SYNPO2: variants seen among roughly 807,000 people sequenced by gnomAD.
The protein encoded by SYNPO2 is synaptopodin 2, also known as synaptopodin-2.
SYNPO2 carries 56 observed loss-of-function variants against 85.0 expected under a neutral mutation model. The ratio of observed to expected loss-of-function variants is 0.66; its 90% CI spans 0.53 to 0.82. The LOEUF is 0.82. Ranked by LOEUF, SYNPO2 falls within the 40% of genes least tolerant of loss-of-function variation. SYNPO2 has a pLI of 0.00. For synonymous variants in SYNPO2, 602 were observed against 591.1 expected, an observed-to-expected ratio of 1.02 and a Z score of -0.27; for missense variants, 1,575 against 1,534.2, an observed-to-expected ratio of 1.03 and a Z score of -0.44.
At chr4:118,977,015 C>G (rs74538554) in intron 1 of SYNPO2, among the ~76,000 whole-genome samples, 44,664 of 152,140 alleles carry the variant, frequency 0.29, 6,809 homozygotes, top group East Asian at 0.42. Flanking sequence ...GGGGCTGCAG[C>G]TGGAGCTGCC....
chr4:118,861,416 C>T (rs1020263533), intron 1 of SYNPO2, among the ~76,000 whole-genome samples: 46 of 152,092 alleles, frequency 3.0e-4, no homozygotes, highest in African/African-American at 6.3e-4. Context: ...TGTGTTCTGC[C>T]GGCCTCAGCC....
chr4:118,942,807 T>A (rs918398789), intron 1 of SYNPO2, among the ~76,000 whole-genome samples: 1 of 152,100 alleles, frequency 6.6e-6, no homozygotes, highest in Non-Finnish European at 1.5e-5. Context: ...AAAAATTATC[T>A]AACCTAAAAT....
intron 1 of SYNPO2, among the ~76,000 whole-genome samples, chr4:118,908,312 T>C: frequency 6.6e-6 from 1 of 152,198 alleles, no homozygotes; most frequent in East Asian, 1.9e-4. Context: ...TACTTGTTAC[T>C]CATTATATTG....
intron 1 of SYNPO2, among the ~76,000 whole-genome samples, chr4:118,851,622 T>A (rs1480824372): frequency 6.6e-6 from 1 of 152,260 alleles, no homozygotes; most frequent in African/African-American, 2.4e-5. Context: ...TTAACTTATT[T>A]AAAATAGCAA....
chr4:119,004,366 TCCCTACC>T (rs1736938313), intron 1 of SYNPO2, among the ~76,000 whole-genome samples: 1 of 150,572 alleles, frequency 6.6e-6, no homozygotes, highest in Admixed American at 6.6e-5. Flanking sequence ...CCTAATGCTA[TCCCTACC>T]CCCTACCCCC....
intron 1 of SYNPO2, among the ~76,000 whole-genome samples, chr4:118,851,392 C>A (rs575042940): frequency 6.6e-6 from 1 of 152,194 alleles, no homozygotes; most frequent in East Asian, 1.9e-4. Context: ...GAGGCTGAGG[C>A]AGGAGAATCG....
chr4:118,931,552 T>C (rs1369984803), intron 1 of SYNPO2, among the ~76,000 whole-genome samples: 1 of 152,196 alleles, frequency 6.6e-6, no homozygotes, highest in Non-Finnish European at 1.5e-5. Context: ...TGTGTTGAAA[T>C]AAATCCATAG....
intron 1 of SYNPO2, among the ~76,000 whole-genome samples, chr4:118,924,289 AT>A (rs1733640531): frequency 6.6e-6 from 1 of 152,206 alleles, no homozygotes; most frequent in South Asian, 2.1e-4. Context: ...GGAATCTACA[AT>A]TGGCCGGAAA....
chr4:119,018,832 T>C (rs1195020940), intron 1 of SYNPO2, among the ~76,000 whole-genome samples: 2 of 152,136 alleles, frequency 1.3e-5, no homozygotes, highest in African/African-American at 4.8e-5. Flanking sequence ...CACAAAGAAA[T>C]GATAAATATT....
chr4:118,924,123 C>T (rs1477963165), intron 1 of SYNPO2, among the ~76,000 whole-genome samples: 1 of 152,156 alleles, frequency 6.6e-6, no homozygotes, highest in African/African-American at 2.4e-5. Flanking sequence ...CCAAGTGCTC[C>T]GTGTGGGTGT....
upstream of SYNPO2, among the ~76,000 whole-genome samples, chr4:118,885,563 C>T (rs1261174609): frequency 2.6e-5 from 4 of 151,722 alleles, no homozygotes; most frequent in Non-Finnish European, 5.9e-5. Context: ...ACCTCTGCCT[C>T]CCAGGTTCAA....
At chr4:118,999,391 A>G (rs1033430339) in intron 1 of SYNPO2, among the ~76,000 whole-genome samples, 22 of 152,014 alleles carry the variant, frequency 1.4e-4, no homozygotes, top group Non-Finnish European at 2.8e-4. Context: ...GGTTCAAACG[A>G]TCCTCCTGCT....
intron 1 of SYNPO2, among the ~76,000 whole-genome samples, chr4:118,856,258 T>G (rs968857313): frequency 6.6e-6 from 1 of 152,242 alleles, no homozygotes; most frequent in African/African-American, 2.4e-5. Flanking sequence ...GTTATTGTTA[T>G]CATCTAATAG....
chr4:119,048,201 T>A (rs929704988), intron 4 of SYNPO2, among the ~76,000 whole-genome samples: 3 of 152,202 alleles, frequency 2.0e-5, no homozygotes, highest in African/African-American at 4.8e-5. Context: ...GGGGTGCATA[T>A]TGGTTTGCAT....
At chr4:118,861,974 C>T (rs1050886085) in intron 1 of SYNPO2, among the ~76,000 whole-genome samples, 1 of 152,130 alleles carries the variant, frequency 6.6e-6, no homozygotes, top group East Asian at 1.9e-4. Context: ...AATCCATGAA[C>T]ATGGAATATC....
intron 1 of SYNPO2, among the ~76,000 whole-genome samples, chr4:119,022,708 TATTTTATTTTATTTTA>T (rs1489763567): frequency 1.1e-5 from 1 of 89,840 alleles, no homozygotes; most frequent in African/African-American, 3.8e-5. Context: ...TTTTATTTTA[TATTTTATTTTATTTTA>T]ATTTTATTTT....
intron 1 of SYNPO2, among the ~76,000 whole-genome samples, chr4:118,881,622 C>T (rs184525152): frequency 6.6e-6 from 1 of 152,226 alleles, no homozygotes; most frequent in African/African-American, 2.4e-5. Context: ...CGTCCCCTTA[C>T]GACTGCGAGC....
chr4:118,948,966 G>T (rs1437351572), intron 1 of SYNPO2, among the ~76,000 whole-genome samples: 2 of 152,208 alleles, frequency 1.3e-5, no homozygotes, highest in Non-Finnish European at 2.9e-5. Flanking sequence ...CTACCCACTG[G>T]AGGGTTTTAG....
rs1220211734 is a variant in SYNPO2, at chr4:118,889,080, C to A, written c.44C>A (p.Ala15Glu). ...ATCTGCATTTCCATGACTGGAGGGG[C>A]GCCCTGGGGGTTCAGATTGCAAGGT... The part of the protein sequence containing the change: ...DFICISMTGG[A>E]PWGFRLQGGK... The change falls in exon 1 of 5, where the codon GCG (alanine) becomes GAG (glutamate). Residue 15 changes from alanine to glutamate, a missense_variant. Physicochemically the swap from Ala to Glu is moderately radical, Grantham distance 107. Around this residue, in one of 3 missense-constraint regions of SYNPO2, gnomAD observed 55 missense variants for 55.5 expected, o/e 0.99. Transcript: ENST00000307142. 1 of 1,613,998 alleles carries A rather than the reference C, an allele frequency of 6.2e-7. No homozygotes were observed. The highest frequency in any genetic ancestry group is 8.5e-7 in the Non-Finnish European group (1 of 1,180,046).
Sources: gnomAD v4.1 joint callset for allele counts (sites outside exome capture counted in the v4.1 genomes callset) on GRCh38, gnomAD v4.1.1 for gene constraint, gnomAD v4.1.1 regional missense constraint, MANE v1.5 for transcripts, NCBI Gene and HGNC (gene_info 2026-07-23, HGNC 2026-07-21) for gene names.